Variants in ATP6V1H observed in about 807,000 individuals in gnomAD.
ATP6V1H encodes ATPase H+ transporting V1 subunit H, also known as V-type proton ATPase subunit H.
In ATP6V1H, 39 loss-of-function variants were observed where a neutral mutation model predicts 71.7. That is an observed-to-expected ratio of 0.54 (90% CI 0.42 to 0.71). The LOEUF (loss-of-function observed/expected upper bound fraction) is 0.71. ATP6V1H is among the 30% of genes least tolerant of loss of function. ATP6V1H has a pLI of 0.00. For synonymous variants in ATP6V1H, 192 were observed against 199.3 expected (o/e 0.96, Z 0.31); for missense variants, 509 against 594.9 (o/e 0.86, Z 1.50).
At chr8:53,733,475 G>A (rs1407077977) in intron 13 of ATP6V1H, among the ~76,000 whole-genome samples, 1 of 152,240 alleles carries the variant, frequency 6.6e-6, no homozygotes, top group Non-Finnish European at 1.5e-5. Flanking sequence ...CAGCAACTGG[G>A]TGCGTCAAAG....
chr8:53,717,974 G>C (rs1806481561), intron 13 of ATP6V1H, among the ~76,000 whole-genome samples: 1 of 152,082 alleles, frequency 6.6e-6, no homozygotes, highest in Admixed American at 6.5e-5. Flanking sequence ...CCAATGTCAA[G>C]GACCAACTTC....
intron 4 of ATP6V1H, among the ~76,000 whole-genome samples, chr8:53,819,998 C>T (rs1246680535): frequency 2.0e-5 from 3 of 151,788 alleles, no homozygotes; most frequent in East Asian, 2.0e-4. Context: ...AGAGAATACA[C>T]ATTTGTAATT....
intron 11 of ATP6V1H, among the ~76,000 whole-genome samples, chr8:53,758,543 C>T (rs1029469475): frequency 6.6e-6 from 1 of 152,156 alleles, no homozygotes; most frequent in East Asian, 1.9e-4. Flanking sequence ...TCTTGGCAAA[C>T]GACTTAGGAA....
At chr8:53,819,401 A>G (rs986656778) in intron 4 of ATP6V1H, among the ~76,000 whole-genome samples, 1 of 149,968 alleles carries the variant, frequency 6.7e-6, no homozygotes, top group Non-Finnish European at 1.5e-5. Flanking sequence ...GTGTGGCGGC[A>G]TGTGCCTGTA....
intron 12 of ATP6V1H, among the ~76,000 whole-genome samples, chr8:53,749,566 G>A (rs1373170126): frequency 6.6e-6 from 1 of 152,122 alleles, no homozygotes; most frequent in Middle Eastern, 3.2e-3. Context: ...GGAGGTCTGG[G>A]GTAGCTACAT....
intron 9 of ATP6V1H, among the ~76,000 whole-genome samples, chr8:53,774,588 G>A (rs962284491): frequency 6.6e-6 from 1 of 152,026 alleles, no homozygotes; most frequent in Non-Finnish European, 1.5e-5. Flanking sequence ...GAATGATAAA[G>A]TGGCTTCTAT....
intron 9 of ATP6V1H, among the ~76,000 whole-genome samples, chr8:53,788,294 A>G (rs530363705): frequency 3.9e-5 from 6 of 152,334 alleles, no homozygotes; most frequent in African/African-American, 1.4e-4. Context: ...CTGAAACCCA[A>G]AATTAGACAA....
rs147506526 is a variant in ATP6V1H at position 53,800,677 on chromosome 8, T to C, written c.677+1122A>G. ...CAGTATTCTGCAGCAAGAACCTAGA[T>C]CATTTCGCTCAAGGACATGTGATGA... On this transcript the variant is annotated intron_variant, in intron 8 of 13. Transcript: ENST00000359530. Among the ~76,000 whole-genome samples the C allele has an allele frequency of 2.2e-3, 335 of 152,340 alleles. 1 individual carries two copies. The highest frequency in any genetic ancestry group is 7.8e-3 in the African/African-American group (324 of 41,578).
intron 13 of ATP6V1H, among the ~76,000 whole-genome samples, chr8:53,742,318 C>T (rs1563444528): frequency 2.0e-5 from 3 of 150,760 alleles, no homozygotes. Flanking sequence ...ACCTCCACCC[C>T]TGAGTGTCAC....
At chr8:53,736,663 C>T (rs1020917534) in intron 13 of ATP6V1H, among the ~76,000 whole-genome samples, 11 of 146,898 alleles carry the variant, frequency 7.5e-5, no homozygotes, top group African/African-American at 2.9e-4. Flanking sequence ...CAGAAAACCT[C>T]GGCACAAATG....
intron 13 of ATP6V1H, among the ~76,000 whole-genome samples, chr8:53,720,728 A>T (rs961634571): frequency 1.3e-5 from 2 of 152,226 alleles, no homozygotes; most frequent in African/African-American, 4.8e-5. Flanking sequence ...TGATAGGAAA[A>T]AAGTGATTTT....
chr8:53,779,896 C>T (rs563338265), intron 9 of ATP6V1H, among the ~76,000 whole-genome samples: 2 of 152,256 alleles, frequency 1.3e-5, no homozygotes, highest in South Asian at 4.1e-4. Context: ...TGATGGCTCA[C>T]ACCTATAATT....
chr8:53,805,518 T>C (rs926096798), intron 7 of ATP6V1H, among the ~76,000 whole-genome samples: 2 of 152,162 alleles, frequency 1.3e-5, no homozygotes, highest in African/African-American at 4.8e-5. Context: ...CAGGACAATA[T>C]CAAGTGTCAG....
At chr8:53,722,778 A>G (rs1806670386) in intron 13 of ATP6V1H, among the ~76,000 whole-genome samples, 1 of 152,220 alleles carries the variant, frequency 6.6e-6, no homozygotes, top group Admixed American at 6.5e-5. Context: ...CAAAGTCTTC[A>G]GCAGTTAAAC....
chr8:53,723,140 G>C (rs1349264087), intron 13 of ATP6V1H, among the ~76,000 whole-genome samples: 1 of 152,190 alleles, frequency 6.6e-6, no homozygotes, highest in Non-Finnish European at 1.5e-5. Context: ...GAATAAAGCA[G>C]ATTATACAAC....
Position 53,786,356 on chromosome 8 carries a change from C to T in ATP6V1H, c.870+9291G>A, listed in dbSNP as rs542934995. On this transcript the variant is annotated intron_variant, in intron 9 of 13. Coordinates refer to ENST00000359530, the MANE Select transcript of ATP6V1H (RefSeq NM_015941.4). ...CCGAGCCAGTTGCGGGATATAATCT[C>T]CTGGTGTGCCATTTGTTAAGCCTGT... is the stretch of plus-strand genomic sequence containing the variant. 2.6e-5 allele frequency among the ~76,000 whole-genome samples: 4 copies of T among 152,294 alleles called. No individual in the cohort carries two copies. The South Asian group carries it at 8.3e-4, about 32-fold the overall frequency.
intron 6 of ATP6V1H, among the ~76,000 whole-genome samples, chr8:53,812,594 T>C (rs1810312572): frequency 6.6e-6 from 1 of 152,224 alleles, no homozygotes; most frequent in South Asian, 2.1e-4. Context: ...CGGCATCCAT[T>C]CTTCCCTACC....
At chr8:53,763,659 T>C (rs1036985405) in intron 11 of ATP6V1H, among the ~76,000 whole-genome samples, 2 of 151,846 alleles carry the variant, frequency 1.3e-5, no homozygotes, top group African/African-American at 4.8e-5. Flanking sequence ...TGGTACAGCA[T>C]GTAAAGAGCT....
chr8:53,836,820 AAC>A (rs1274275275), intron 2 of ATP6V1H, among the ~76,000 whole-genome samples: 3 of 152,196 alleles, frequency 2.0e-5, no homozygotes, highest in Non-Finnish European at 4.4e-5. Flanking sequence ...AACCCATCAG[AAC>A]AGTTATCTAC....
Sources: allele counts gnomAD v4.1 joint callset (sites outside exome capture counted in the v4.1 genomes callset), GRCh38; gene constraint gnomAD v4.1.1; transcripts MANE v1.5; gene names NCBI Gene and HGNC (gene_info 2026-07-23, HGNC 2026-07-21).